Variants in PRKCB observed in about 807,000 individuals in gnomAD.
PRKCB encodes protein kinase C beta.
PRKCB carries 13 observed loss-of-function variants against 81.5 expected under a neutral mutation model. The observed-to-expected ratio is 0.16, with a 90% CI of 0.10 to 0.25. The LOEUF (loss-of-function observed/expected upper bound fraction) is 0.25, where lower values mean the gene tolerates loss of function less well. Ranked by LOEUF, PRKCB falls within the 10% of genes least tolerant of loss-of-function variation. The pLI is 1.00. For synonymous variants in PRKCB, 335 were observed against 321.4 expected, an observed-to-expected ratio of 1.04 and a Z score of -0.45; for missense variants, 509 against 875.7, an observed-to-expected ratio of 0.58 and a Z score of 5.29.
chr16:23,980,713 G>A (rs1460836600), intron 2 of PRKCB, among the ~76,000 whole-genome samples: 1 of 151,948 alleles, frequency 6.6e-6, no homozygotes, highest in Non-Finnish European at 1.5e-5. Flanking sequence ...GGATTTAAGG[G>A]TAAAGGTTGC....
intron 16 of PRKCB, among the ~76,000 whole-genome samples, chr16:24,206,568 T>C (rs1198116071): frequency 3.3e-5 from 5 of 152,120 alleles, no homozygotes; most frequent in Admixed American, 6.5e-5. Flanking sequence ...ATGCCCTCTT[T>C]TTACCTCCAT....
At chr16:24,129,514 C>A (rs1200527384) in intron 9 of PRKCB, among the ~76,000 whole-genome samples, 2 of 141,450 alleles carry the variant, frequency 1.4e-5, no homozygotes, top group African/African-American at 5.6e-5. Flanking sequence ...CTCTCTCATG[C>A]ACGTGCATCT....
At chr16:24,069,275 A>G (rs758508232) in intron 5 of PRKCB, among the ~76,000 whole-genome samples, 4 of 152,206 alleles carry the variant, frequency 2.6e-5, no homozygotes, top group Non-Finnish European at 4.4e-5. Context: ...TCCAGTCCCC[A>G]TGTCCTGGGG....
At position 24,030,089 on chromosome 16, in the gene PRKCB, G is replaced by A. The variant is rs144350264; in HGVS notation, c.289-2047G>A. On this transcript the variant is annotated intron_variant, in intron 3 of 16. Transcript: ENST00000643927. ...TAATTTTTTATTGTTGTAGACATGG[G>A]GTCTCACTATGTTGCCCAGGCTGGT... Among the ~76,000 whole-genome samples the A allele has an allele frequency of 1.1e-3, 171 of 152,160 alleles. 1 individual carries two copies. In the East Asian group the frequency reaches 0.028, roughly 25 times the overall value.
chr16:23,974,765 G>A (rs78289863), intron 2 of PRKCB, among the ~76,000 whole-genome samples: 4,159 of 152,262 alleles, frequency 0.027, 106 homozygotes, highest in Middle Eastern at 0.051. Flanking sequence ...AAATATTATG[G>A]GTTGGCACAC....
At chr16:24,047,256 C>T (rs1475776388) in intron 5 of PRKCB, among the ~76,000 whole-genome samples, 5 of 152,010 alleles carry the variant, frequency 3.3e-5, no homozygotes, top group Non-Finnish European at 7.4e-5. Context: ...GCAGGAGAAT[C>T]GCTTGAACCC....
At chr16:23,906,228 A>G (rs1487593646) in intron 2 of PRKCB, among the ~76,000 whole-genome samples, 1 of 152,206 alleles carries the variant, frequency 6.6e-6, no homozygotes, top group East Asian at 1.9e-4. Flanking sequence ...TCATTTTGCC[A>G]ATCTGATCAG....
At chr16:24,087,187 C>T (rs1167650420) in intron 5 of PRKCB, among the ~76,000 whole-genome samples, 1 of 152,160 alleles carries the variant, frequency 6.6e-6, no homozygotes, top group African/African-American at 2.4e-5. Flanking sequence ...GCAACATTGA[C>T]CCAATGCTAT....
chr16:23,927,301 A>G (rs1192160357), intron 2 of PRKCB, among the ~76,000 whole-genome samples: 1 of 152,000 alleles, frequency 6.6e-6, no homozygotes, highest in African/African-American at 2.4e-5. Flanking sequence ...AAAGCACAAG[A>G]GGATTGAAGA....
chr16:23,981,900 C>CCCTTACCCTTCCCT (rs1964724246), intron 2 of PRKCB, among the ~76,000 whole-genome samples: 1 of 6,420 alleles, frequency 1.6e-4, no homozygotes, highest in African/African-American at 1.4e-3. Flanking sequence ...TCCCCTTCCC[C>CCCTTACCCTTCCCT]TTCCCTTCCC....
At chr16:24,119,342 C>T (rs773990720) in intron 8 of PRKCB, among the ~76,000 whole-genome samples, 38 of 151,968 alleles carry the variant, frequency 2.5e-4, no homozygotes, top group Non-Finnish European at 5.0e-4. Context: ...ACCCCTCTTC[C>T]CACCCCCCCA....
At chr16:24,128,383 A>G (rs1216761786) in intron 9 of PRKCB, among the ~76,000 whole-genome samples, 1 of 152,166 alleles carries the variant, frequency 6.6e-6, no homozygotes, top group Non-Finnish European at 1.5e-5. Flanking sequence ...TCAAACAACA[A>G]CAACAACAAC....
rs137879150 is a variant in PRKCB at position 24,118,967 on chromosome 16, C to A, written c.919-4868C>A. On this transcript the variant is annotated intron_variant, in intron 8 of 16. Coordinates refer to ENST00000643927, the MANE Select transcript of PRKCB (RefSeq NM_002738.7). ...AGGAGCCAGGCAAACAACAAGAAGG[C>A]GAAAGAGCTTGGCATCACCCAGTGT... 2.7e-3 allele frequency among the ~76,000 whole-genome samples: 416 copies of A among 152,072 alleles called. 3 individuals carry two copies. Among genetic ancestry groups the A allele is most frequent in the African/African-American group, 9.5e-3 (396 of 41,468 alleles).
chr16:23,968,389 C>T (rs375198159), intron 2 of PRKCB, among the ~76,000 whole-genome samples: 2 of 152,136 alleles, frequency 1.3e-5, no homozygotes, highest in East Asian at 1.9e-4. Flanking sequence ...AGGCGGTTAC[C>T]GTCTGTAAAG....
At chr16:23,882,323 A>G (rs954691896) in intron 2 of PRKCB, among the ~76,000 whole-genome samples, 5 of 151,832 alleles carry the variant, frequency 3.3e-5, no homozygotes, top group Admixed American at 1.3e-4. Flanking sequence ...GCCTCAAGAG[A>G]TCCTCCCATC....
At chr16:23,914,163 C>G (rs1963703852) in intron 2 of PRKCB, among the ~76,000 whole-genome samples, 2 of 152,186 alleles carry the variant, frequency 1.3e-5, no homozygotes, top group African/African-American at 4.8e-5. Context: ...ATGTGCCTCC[C>G]TGCCCAGCTA....
chr16:24,092,351 C>G (rs1167380077), intron 5 of PRKCB, among the ~76,000 whole-genome samples: 2 of 152,120 alleles, frequency 1.3e-5, no homozygotes, highest in African/African-American at 4.8e-5. Context: ...TGGAAACAAC[C>G]CAACTATGCA....
At chr16:24,182,873 T>TTGTGTGTGTGTGTG (rs10524225) in intron 13 of PRKCB, among the ~76,000 whole-genome samples, 1,893 of 133,558 alleles carry the variant, frequency 0.014, 44 homozygotes, top group African/African-American at 0.031. Context: ...ACATTGTTTC[T>TTGTGTGTGTGTGTG]TGTGTGTGTG....
chr16:24,106,440 TAGAG>T (rs1445645074), intron 7 of PRKCB, among the ~76,000 whole-genome samples: 1 of 151,994 alleles, frequency 6.6e-6, no homozygotes, highest in African/African-American at 2.4e-5. Flanking sequence ...ATTGACCCTA[TAGAG>T]AGAGAGAGTG....
Sources: gnomAD v4.1 joint callset for allele counts (sites outside exome capture counted in the v4.1 genomes callset) on GRCh38, gnomAD v4.1.1 for gene constraint, MANE v1.5 for transcripts, NCBI Gene and HGNC (gene_info 2026-07-23, HGNC 2026-07-21) for gene names.